Variants in MSRA observed in about 807,000 individuals in gnomAD.
MSRA encodes the protein mitochondrial peptide methionine sulfoxide reductase.
MSRA carries 54 observed loss-of-function variants against 31.3 expected under a neutral mutation model. The observed-to-expected ratio is 1.73, with a 90% CI of 1.39 to 2.17. MSRA has a LOEUF of 2.17. Ranked by LOEUF, MSRA falls within the 30% of genes most tolerant of loss-of-function variation. MSRA has a pLI of 0.00. For synonymous variants in MSRA, 169 were observed against 116.5 expected (o/e 1.45, Z -2.90); for missense variants, 507 against 300.9 (o/e 1.69, Z -5.07).
chr8:10,344,761 A>G (rs1803665155), intron 5 of MSRA, among the ~76,000 whole-genome samples: 1 of 151,996 alleles, frequency 6.6e-6, no homozygotes, highest in South Asian at 2.1e-4. Flanking sequence ...CACATTCTCC[A>G]TTACTGTGTG....
At chr8:10,072,539 C>G (rs1487658712) in intron 1 of MSRA, among the ~76,000 whole-genome samples, 1 of 152,106 alleles carries the variant, frequency 6.6e-6, no homozygotes, top group Non-Finnish European at 1.5e-5. Context: ...TTAGAGTCAT[C>G]CCTCCCACCT....
At chr8:10,117,374 C>T (rs1051031476) in intron 1 of MSRA, among the ~76,000 whole-genome samples, 1 of 152,218 alleles carries the variant, frequency 6.6e-6, no homozygotes, top group African/African-American at 2.4e-5. Flanking sequence ...CAGCTCTTCC[C>T]TAGACTGGGT....
chr8:10,248,102 A>G (rs927613807), intron 3 of MSRA, among the ~76,000 whole-genome samples: 1 of 152,164 alleles, frequency 6.6e-6, no homozygotes, highest in African/African-American at 2.4e-5. Context: ...ACAAACAAAC[A>G]AAAACCCCAA....
At chr8:10,167,033 T>C (rs1000385020) in intron 1 of MSRA, among the ~76,000 whole-genome samples, 1 of 152,170 alleles carries the variant, frequency 6.6e-6, no homozygotes, top group Non-Finnish European at 1.5e-5. Flanking sequence ...TGGAGCAAAG[T>C]GCAGAGCCAA....
chr8:10,217,205 T>G (rs996966240), intron 2 of MSRA, among the ~76,000 whole-genome samples: 1 of 152,156 alleles, frequency 6.6e-6, no homozygotes, highest in Non-Finnish European at 1.5e-5. Context: ...AGAAAGAAAT[T>G]TTTCAAGGGT....
At chr8:10,186,246 A>C (rs1356444452) in intron 1 of MSRA, among the ~76,000 whole-genome samples, 1 of 152,094 alleles carries the variant, frequency 6.6e-6, no homozygotes, top group Non-Finnish European at 1.5e-5. Context: ...GTTCTAGGAC[A>C]GGGGCTGGCA....
At chr8:10,073,017 A>C (rs1716468632) in intron 1 of MSRA, among the ~76,000 whole-genome samples, 1 of 152,210 alleles carries the variant, frequency 6.6e-6, no homozygotes, top group African/African-American at 2.4e-5. Flanking sequence ...GATATTCTAC[A>C]TAGATAACCC....
intron 2 of MSRA, among the ~76,000 whole-genome samples, chr8:10,241,096 C>G (rs865860035): frequency 6.6e-6 from 1 of 152,124 alleles, no homozygotes; most frequent in Non-Finnish European, 1.5e-5. Context: ...ATGGGACTTA[C>G]CTTTTGATGG....
intron 1 of MSRA, among the ~76,000 whole-genome samples, chr8:10,144,441 T>G (rs1044431715): frequency 1.3e-4 from 20 of 152,186 alleles, no homozygotes; most frequent in African/African-American, 4.8e-4. Context: ...AGTTAATATT[T>G]GTGAAGCGCT....
intron 1 of MSRA, among the ~76,000 whole-genome samples, chr8:10,161,594 T>C (rs1804649504): frequency 6.6e-6 from 1 of 152,188 alleles, no homozygotes; most frequent in Non-Finnish European, 1.5e-5. Flanking sequence ...TTTTATACAA[T>C]CTCAACAAAT....
At chr8:10,371,487 C>T (rs577420454) in intron 5 of MSRA, among the ~76,000 whole-genome samples, 129 of 152,260 alleles carry the variant, frequency 8.5e-4, no homozygotes, top group African/African-American at 3.0e-3. Context: ...TTGTTTACTT[C>T]TCGTTCTCAG....
chr8:10,248,006 C>T (rs1797714541), intron 3 of MSRA, among the ~76,000 whole-genome samples: 1 of 152,146 alleles, frequency 6.6e-6, no homozygotes, highest in African/African-American at 2.4e-5. Flanking sequence ...ACTGGCGGGC[C>T]TCCCCTCTGA....
At chr8:10,141,666 A>T (rs550330883) in intron 1 of MSRA, among the ~76,000 whole-genome samples, 2 of 151,950 alleles carry the variant, frequency 1.3e-5, no homozygotes, top group Non-Finnish European at 2.9e-5. Context: ...TCTGAAAGAT[A>T]CACAGATAAA....
chr8:10,113,638 G>T (rs1446638454), intron 1 of MSRA, among the ~76,000 whole-genome samples: 2 of 152,066 alleles, frequency 1.3e-5, no homozygotes, highest in Admixed American at 1.3e-4. Context: ...AGACAGAGCA[G>T]ACTGAGAAAT....
At chr8:10,360,393 T>G (rs1414576573) in intron 5 of MSRA, among the ~76,000 whole-genome samples, 1 of 152,218 alleles carries the variant, frequency 6.6e-6, no homozygotes, top group Non-Finnish European at 1.5e-5. Flanking sequence ...AATTTGGAGT[T>G]CTTGGGGATA....
intron 3 of MSRA, among the ~76,000 whole-genome samples, chr8:10,277,074 C>G (rs1050121201): frequency 6.6e-6 from 1 of 151,958 alleles, no homozygotes. Flanking sequence ...TACTTGAGAC[C>G]TAGATTTTAA....
chr8:10,284,934 A>G (rs1403564961), intron 3 of MSRA, among the ~76,000 whole-genome samples: 1 of 152,160 alleles, frequency 6.6e-6, no homozygotes, highest in Non-Finnish European at 1.5e-5. Context: ...TGCATCTTCA[A>G]AATCTAGTGA....
At chr8:10,398,222 A>C (rs1807223899) in intron 5 of MSRA, among the ~76,000 whole-genome samples, 1 of 152,184 alleles carries the variant, frequency 6.6e-6, no homozygotes, top group African/African-American at 2.4e-5. Flanking sequence ...CCTCTTAGAA[A>C]ATTCCTGTTT....
intron 3 of MSRA, among the ~76,000 whole-genome samples, chr8:10,296,423 C>G (rs961207375): frequency 6.6e-6 from 1 of 152,100 alleles, no homozygotes; most frequent in African/African-American, 2.4e-5. Flanking sequence ...CACAGATGAC[C>G]TCATTTAATC....
Sources: gnomAD v4.1 joint callset for allele counts (sites outside exome capture counted in the v4.1 genomes callset) on GRCh38, gnomAD v4.1.1 for gene constraint, MANE v1.5 for transcripts, NCBI Gene and HGNC (gene_info 2026-07-23, HGNC 2026-07-21) for gene names.